PPFIA2: variants seen among roughly 807,000 people sequenced by gnomAD.
PPFIA2 encodes the protein liprin-alpha-2.
Under a neutral mutation model 175.5 loss-of-function variants are expected in PPFIA2, and 46 were observed. The ratio of observed to expected loss-of-function variants is 0.26; its 90% CI spans 0.21 to 0.34. PPFIA2 has a LOEUF of 0.34. PPFIA2 is among the 10% of genes least tolerant of loss of function. PPFIA2 has a pLI of 1.00. For synonymous variants in PPFIA2, 568 were observed against 511.4 expected (o/e 1.11, Z -1.49); for missense variants, 1,179 against 1,506.1 (o/e 0.78, Z 3.60).
At chr12:81,625,534 C>T (rs1468626524) in intron 4 of PPFIA2, among the ~76,000 whole-genome samples, 1 of 151,624 alleles carries the variant, frequency 6.6e-6, no homozygotes, top group Non-Finnish European at 1.5e-5. Flanking sequence ...TGAATCCTGG[C>T]TCTGATACAT....
chr12:81,617,321 C>T (rs2061508593), intron 4 of PPFIA2, among the ~76,000 whole-genome samples: 1 of 152,212 alleles, frequency 6.6e-6, no homozygotes, highest in Non-Finnish European at 1.5e-5. Flanking sequence ...AGTGTCGCCT[C>T]TGTCATGTCA....
At chr12:81,712,563 G>T (rs968101754) in intron 3 of PPFIA2, among the ~76,000 whole-genome samples, 2 of 151,066 alleles carry the variant, frequency 1.3e-5, no homozygotes, top group African/African-American at 2.4e-5. Flanking sequence ...GAGGCTATGT[G>T]TATAGGTTGC....
At chr12:81,516,811 T>C (rs116664858) in intron 4 of PPFIA2, among the ~76,000 whole-genome samples, 2,136 of 152,286 alleles carry the variant, frequency 0.014, 48 homozygotes, top group African/African-American at 0.049. Flanking sequence ...AGCCAACTAA[T>C]AAAATTGTTT....
At chr12:81,468,844 C>T (rs2146219800) in intron 4 of PPFIA2, among the ~76,000 whole-genome samples, 1 of 150,436 alleles carries the variant, frequency 6.6e-6, no homozygotes, top group East Asian at 2.0e-4. Flanking sequence ...GAAAATAGCA[C>T]TTTGTGTTAT....
At chr12:81,296,263 G>A (rs1031955049) in intron 23 of PPFIA2, among the ~76,000 whole-genome samples, 1 of 152,192 alleles carries the variant, frequency 6.6e-6, no homozygotes, top group Non-Finnish European at 1.5e-5. Flanking sequence ...AGGTTGCAGT[G>A]AGCTGAGACT....
intron 14 of PPFIA2, 134 bp from the exon 15 acceptor site, chr12:81,362,918 T>A (rs2031478894): frequency 1.2e-5 from 6 of 494,302 alleles, no homozygotes; most frequent in Admixed American, 7.3e-5. Flanking sequence ...CACATAATAA[T>A]AAAGCACGCC....
intron 4 of PPFIA2, among the ~76,000 whole-genome samples, chr12:81,548,729 C>T (rs534794123): frequency 1.4e-4 from 22 of 152,136 alleles, no homozygotes; most frequent in African/African-American, 4.8e-4. Flanking sequence ...TAAAAATGCA[C>T]GTAGCCTTCA....
chr12:81,683,658 A>G (rs1190272425), intron 3 of PPFIA2, among the ~76,000 whole-genome samples: 1 of 151,912 alleles, frequency 6.6e-6, no homozygotes, highest in African/African-American at 2.4e-5. Flanking sequence ...AATATTCAAA[A>G]TTTGGCTTGT....
intron 5 of PPFIA2, among the ~76,000 whole-genome samples, chr12:81,453,366 G>A (rs1182694268): frequency 6.6e-6 from 1 of 151,930 alleles, no homozygotes; most frequent in African/African-American, 2.4e-5. Flanking sequence ...ACATTCACAG[G>A]CAATAACTAT....
intron 22 of PPFIA2, among the ~76,000 whole-genome samples, chr12:81,303,366 G>A (rs901043659): frequency 3.3e-5 from 5 of 152,108 alleles, no homozygotes; most frequent in African/African-American, 1.2e-4. Context: ...ATACATTTCA[G>A]GTTTAAGATT....
At chr12:81,716,051 C>T (rs2153622226) in intron 3 of PPFIA2, among the ~76,000 whole-genome samples, 1 of 151,252 alleles carries the variant, frequency 6.6e-6, no homozygotes, top group East Asian at 1.9e-4. Flanking sequence ...CATATAGTTT[C>T]AGAAATACTT....
intron 7 of PPFIA2, among the ~76,000 whole-genome samples, chr12:81,438,866 T>C (rs2049597865): frequency 6.6e-6 from 1 of 152,144 alleles, no homozygotes; most frequent in African/African-American, 2.4e-5. Flanking sequence ...AGATTAATGT[T>C]AACTATAATC....
chr12:81,308,284 C>T (rs2049848163), intron 22 of PPFIA2, among the ~76,000 whole-genome samples: 1 of 152,104 alleles, frequency 6.6e-6, no homozygotes, highest in South Asian at 2.1e-4. Flanking sequence ...AACTAATGTG[C>T]ATTTATCACT....
chr12:81,381,003 T>C (rs2037549375), intron 9 of PPFIA2, among the ~76,000 whole-genome samples: 1 of 112,506 alleles, frequency 8.9e-6, no homozygotes, highest in South Asian at 3.0e-4. Flanking sequence ...TGTGTGTGTG[T>C]ATACAAAAAA....
At chr12:81,446,841 CATTGTCAAGTATTAGTATCAT>C (rs1233587745) in intron 5 of PPFIA2, among the ~76,000 whole-genome samples, 1 of 152,102 alleles carries the variant, frequency 6.6e-6, no homozygotes, top group Non-Finnish European at 1.5e-5. Flanking sequence ...CTGTTAGATT[CATTGTCAAGTATTAGTATCAT>C]ATTTTTTGGT....
chr12:81,400,054 C>G (rs2142668474), intron 8 of PPFIA2, among the ~76,000 whole-genome samples: 1 of 152,100 alleles, frequency 6.6e-6, no homozygotes, highest in East Asian at 1.9e-4. Flanking sequence ...GACTTTTAGT[C>G]AGAACTTAGT....
In PPFIA2 at chr12:81,501,341, G is replaced by T. The variant is rs181396974; in HGVS notation, c.304-43475C>A. Among the ~76,000 whole-genome samples the T allele has an allele frequency of 4.6e-5, 7 of 152,046 alleles. No individual in the cohort carries two copies. The East Asian group carries it at 1.4e-3, about 29-fold the overall frequency. ...ATTTAGATGCCCCCTTCTCATCAAG[G>T]CATTCTCTGATCTCCTTATTTAAAT... On this transcript the variant is annotated intron_variant, in intron 4 of 32. Transcript: ENST00000549396.
At chr12:81,665,229 A>G (rs1215716392) in intron 4 of PPFIA2, among the ~76,000 whole-genome samples, 1 of 151,792 alleles carries the variant, frequency 6.6e-6, no homozygotes, top group Non-Finnish European at 1.5e-5. Context: ...CAAAAGGAAG[A>G]CTCTTTTTCT....
At chr12:81,475,999 C>T (rs1239332094) in intron 4 of PPFIA2, among the ~76,000 whole-genome samples, 6 of 152,204 alleles carry the variant, frequency 3.9e-5, no homozygotes, top group Admixed American at 2.0e-4. Flanking sequence ...TGTCCCTCCA[C>T]CTTAGCTCAA....
Sources: allele counts gnomAD v4.1 joint callset (sites outside exome capture counted in the v4.1 genomes callset), GRCh38; gene constraint gnomAD v4.1.1; transcripts MANE v1.5; gene names NCBI Gene and HGNC (gene_info 2026-07-23, HGNC 2026-07-21).